Variants in FANCD2 observed in about 807,000 individuals in gnomAD.
FANCD2 encodes Fanconi anemia group D2 protein.
In FANCD2, 131 loss-of-function variants were observed where a neutral mutation model predicts 192.3. That is an observed-to-expected ratio of 0.68 (90% CI 0.59 to 0.79). The LOEUF (loss-of-function observed/expected upper bound fraction) is 0.79, where lower values mean the gene tolerates loss of function less well. Among genes scored for constraint, FANCD2 ranks in the 30% least tolerant of loss-of-function variants. FANCD2 has a pLI of 0.00. For synonymous variants in FANCD2, 524 were observed against 612.5 expected, an observed-to-expected ratio of 0.86 and a Z score of 2.13; for missense variants, 1,508 against 1,701.6, an observed-to-expected ratio of 0.89 and a Z score of 2.00.
rs560568689 is a variant in FANCD2 at position 10,031,332 on chromosome 3, T to C, written c.65-1500T>C. On this transcript the variant is annotated intron_variant, in intron 2 of 43. Coordinates refer to ENST00000675286, the MANE Select transcript of FANCD2 (RefSeq NM_001018115.3). ...TCTTGGCTAACATGGTGAAACCCCG[T>C]CTCTACTAAAAATACAAAAAATTAG... is the stretch of plus-strand genomic sequence containing the variant. Among the ~76,000 whole-genome samples the C allele has an allele frequency of 4.6e-5, 7 of 152,010 alleles. No individual in the cohort carries two copies. In the East Asian group the frequency reaches 5.8e-4, roughly 13 times the overall value.
At chr3:10,077,683 T>G (rs747906848) in intron 29 of FANCD2, among the ~76,000 whole-genome samples, 10 of 151,056 alleles carry the variant, frequency 6.6e-5, no homozygotes, top group Non-Finnish European at 7.4e-5. Context: ...AGCCCAGGAG[T>G]TTGAAACCAG....
chr3:10,050,030 G>C (rs1229047765), intron 17 of FANCD2, among the ~76,000 whole-genome samples: 3 of 152,186 alleles, frequency 2.0e-5, no homozygotes, highest in African/African-American at 7.2e-5. Flanking sequence ...AATGATTGGA[G>C]GCAAGGCTGG....
Position 10,101,356 on chromosome 3 carries a change from G to C in FANCD2, c.*94G>C, listed in dbSNP as rs1695288033. The C allele has an allele frequency of 1.2e-6, 1 of 810,390 alleles. No individual in the cohort carries two copies. The highest frequency in any genetic ancestry group is 1.7e-5 in the African/African-American group (1 of 57,708). The allele number at this position is 810,390 out of a possible 1,614,324, so 50.2% of individuals were successfully genotyped here. A position where few individuals can be genotyped will look rare whatever the true frequency, so the allele number is the denominator to read the frequency against. On this transcript the variant is annotated 3_prime_UTR_variant, in exon 44 of 44. Transcript: ENST00000675286. ...AATCCGCTGTTTGCCTTTCTTACTG[G>C]TAGGATCCTTTTTTGTTCCTCTTTT...
chr3:10,078,493 T>G (rs1055655032), intron 30 of FANCD2, among the ~76,000 whole-genome samples: 3 of 152,030 alleles, frequency 2.0e-5, no homozygotes, highest in Non-Finnish European at 4.4e-5. Flanking sequence ...TAGCTGGGAC[T>G]ACAGGTGCCT....
chr3:10,077,437 G>A (rs191625465), intron 29 of FANCD2, among the ~76,000 whole-genome samples: 339 of 152,096 alleles, frequency 2.2e-3, no homozygotes, highest in African/African-American at 7.8e-3. Context: ...CACCTGTAAT[G>A]CCAGCTACTT....
intron 27 of FANCD2, 25 bp from the exon 28 acceptor site, chr3:10,073,228 C>T: frequency 1.3e-6 from 2 of 1,563,004 alleles, no homozygotes; most frequent in Non-Finnish European, 1.8e-6. Context: ...TTACTTGAGT[C>T]ACTTTTCTCT....
intron 41 of FANCD2, chr3:10,095,486 C>T (rs1379702412): frequency 8.4e-6 from 5 of 597,696 alleles, no homozygotes; most frequent in Non-Finnish European, 1.2e-5. Flanking sequence ...ATTCAAACTC[C>T]AAAGCTCTTT....
chr3:10,078,022 A>G, intron 29 of FANCD2, 59 bp from the exon 30 acceptor site: 1 of 1,247,126 alleles, frequency 8.0e-7, no homozygotes, highest in East Asian at 2.3e-5. Context: ...AGAAAGAAAA[A>G]AAATTATCAT....
Position 10,087,204 on chromosome 3 carries a change from A to G in FANCD2, c.3406A>G (p.Arg1136Gly), listed in dbSNP as rs369405673. Residue 1136 changes from arginine to glycine, a missense_variant, in exon 34 of 44, where the codon AGA becomes GGA. Physicochemically the swap from Arg to Gly is moderately radical, Grantham distance 125. Around this residue, in one of 5 missense-constraint regions of FANCD2, gnomAD observed 796 missense variants for 879.4 expected, o/e 0.91. Transcript: ENST00000675286. ...PSFQCALYLI[R>G]LLMVILEKST... ...TTTCCAGTGTGCTCTTTATCTCATC[A>G]GACTTTTGATGGTTATTTTGGAGAA... The G allele has an allele frequency of 8.7e-6, 14 of 1,613,528 alleles. No homozygotes were observed. The highest frequency in any genetic ancestry group is 1.0e-5 in the Non-Finnish European group (12 of 1,179,920).
At position 10,092,222 on chromosome 3, in the gene FANCD2, A is replaced by T; in HGVS notation, c.3819A>T (p.Arg1273=). ...TCCTCTACTGGAACATGGCTGTTCG[A>T]GACTTCAGTATCCTCATCAACTTGA... ...EKLLYWNMAV[R]DFSILINLIK... Residue 1273 remains arginine (R), a synonymous_variant, in exon 38 of 44, where the codon CGA becomes CGT. Transcript: ENST00000675286. 2.5e-6 allele frequency: 4 copies of T among 1,613,986 alleles called. No individual in the cohort carries two copies. The highest frequency in any genetic ancestry group is 3.4e-6 in the Non-Finnish European group (4 of 1,179,856).
intron 17 of FANCD2, among the ~76,000 whole-genome samples, chr3:10,051,306 A>G (rs1055811538): frequency 1.9e-4 from 27 of 142,998 alleles, no homozygotes; most frequent in African/African-American, 4.1e-4. Context: ...GCGTGAACCC[A>G]GGAGGCGGAG....
chr3:10,034,588 T>C (rs1439542017), intron 4 of FANCD2, 52 bp downstream of exon 4: 7 of 1,547,604 alleles, frequency 4.5e-6, no homozygotes, highest in Non-Finnish European at 5.4e-6. Flanking sequence ...ACTCTAGAAT[T>C]TGGAATTTAA....
At chr3:10,101,151 A>G (rs772783243) in intron 43 of FANCD2, 37 bp from the exon 44 acceptor site, 5 of 1,513,204 alleles carry the variant, frequency 3.3e-6, no homozygotes, top group Non-Finnish European at 4.6e-6. Context: ...CAGAGCAGTA[A>G]CCTAAAATGC....
chr3:10,057,242 A>G (rs2087438679), intron 18 of FANCD2, among the ~76,000 whole-genome samples: 1 of 152,210 alleles, frequency 6.6e-6, no homozygotes, highest in Non-Finnish European at 1.5e-5. Flanking sequence ...TATCAGATAT[A>G]TGATTTGCAA....
intron 14 of FANCD2, among the ~76,000 whole-genome samples, chr3:10,046,205 T>C (rs2087003417): frequency 6.6e-6 from 1 of 151,960 alleles, no homozygotes; most frequent in African/African-American, 2.4e-5. Context: ...AGGTGCATGC[T>C]GCCACACCCG....
rs763185403 is a variant in FANCD2 at position 10,067,266 on chromosome 3, C to G, written c.2443C>G (p.Arg815Gly). ...TGAGATGAAGGGGAAGGTGCTCACT[C>G]GGTTAAAGCACATTGTAGAATTGCA... ...SPEMKGKVLT[R>G]LKHIVELQII... The change falls in exon 26 of 44, where the codon CGG (arginine) becomes GGG (glycine). Residue 815 changes from arginine (R) to glycine (G), a missense_variant. This residue lies in a region of FANCD2 where 796 missense variants were observed against 879.4 expected (regional missense o/e 0.91). Coordinates refer to ENST00000675286, the MANE Select transcript of FANCD2 (RefSeq NM_001018115.3). 1.2e-6 allele frequency: 2 copies of G among 1,613,806 alleles called. No homozygotes were observed. Among genetic ancestry groups the G allele is most frequent in the Non-Finnish European group, 1.7e-6 (2 of 1,179,770 alleles).
Position 10,039,849 on chromosome 3 carries a change from G to T in FANCD2, c.695+4G>T, listed in dbSNP as rs2086820273. 6.2e-7 allele frequency: 1 copy of T among 1,613,868 alleles called. No individual in the cohort carries two copies. Among genetic ancestry groups the T allele is most frequent in the African/African-American group, 1.3e-5 (1 of 74,862 alleles). ...CTGATGTGGGGAAAGAACTCAGGTGGATAAACCCTCTGTCATCATCTAAGT... is the reference window on the plus strand; with the variant it reads ...CTGATGTGGGGAAAGAACTCAGGTGTATAAACCCTCTGTCATCATCTAAGT... On this transcript the variant is annotated splice_donor_region_variant and intron_variant, in intron 9 of 43. Transcript: ENST00000675286.
chr3:10,086,061 G>C, intron 33 of FANCD2, 139 bp downstream of exon 33: 1 of 692,746 alleles, frequency 1.4e-6, no homozygotes, highest in Non-Finnish European at 2.7e-6. Context: ...TCATATATGA[G>C]CTTTCTCATC....
intron 6 of FANCD2, among the ~76,000 whole-genome samples, 193 bp downstream of exon 6, chr3:10,035,426 C>A (rs907883588): frequency 2.6e-5 from 4 of 152,128 alleles, no homozygotes; most frequent in Non-Finnish European, 5.9e-5. Flanking sequence ...GCTTATTAGC[C>A]TAATACATCT....
Sources: gnomAD v4.1 joint callset for allele counts (sites outside exome capture counted in the v4.1 genomes callset) on GRCh38, gnomAD v4.1.1 for gene constraint, gnomAD v4.1.1 regional missense constraint, MANE v1.5 for transcripts, NCBI Gene and HGNC (gene_info 2026-07-23, HGNC 2026-07-21) for gene names.